The following CBL variants were observed in gnomAD, a reference collection of about 807,000 sequenced individuals.
CBL encodes the protein Cbl proto-oncogene.
In CBL, 45 loss-of-function variants were observed where a neutral mutation model predicts 96.9. That is an observed-to-expected ratio of 0.46 (90% CI 0.37 to 0.60). The LOEUF (loss-of-function observed/expected upper bound fraction) is 0.60. CBL is among the 20% of genes least tolerant of loss of function. The pLI is 0.00. For missense variants in CBL, 1,024 were observed against 1,143.5 expected (o/e 0.90, Z 1.51); for synonymous variants, 420 against 426.8 (o/e 0.98, Z 0.20).
Position 119,232,614 on chromosome 11 carries a change from AT to A in CBL, c.365del (p.Leu122Ter). On this transcript the variant is annotated frameshift_variant, in exon 2 of 16. Transcript: ENST00000264033. LOFTEE classifies it high-confidence loss of function. ...ENEYFRVFME[N>X]LMKKTKQTIS... ...GAGTATTTTAGGGTGTTTATGGAGAATTTGATGAAGAAAACTAAGCAAACCA... is the reference window on the plus strand; with the variant it reads ...GAGTATTTTAGGGTGTTTATGGAGAATTGATGAAGAAAACTAAGCAAACCA... 1 of 1,614,024 alleles carries A rather than the reference AT, an allele frequency of 6.2e-7. No individual in the cohort carries two copies. The highest frequency in any genetic ancestry group is 8.5e-7 in the Non-Finnish European group (1 of 1,179,894).
intron 1 of CBL, among the ~76,000 whole-genome samples, chr11:119,208,239 A>G (rs192157200): frequency 6.6e-6 from 1 of 152,296 alleles, no homozygotes. Flanking sequence ...ATTTATCGTT[A>G]AGGACTACAA....
At chr11:119,270,725 C>T (rs1459692064) in intron 2 of CBL, among the ~76,000 whole-genome samples, 2 of 151,924 alleles carry the variant, frequency 1.3e-5, no homozygotes, top group Non-Finnish European at 2.9e-5. Flanking sequence ...GGATTACAGG[C>T]GTGAGCCACC....
intron 1 of CBL, among the ~76,000 whole-genome samples, chr11:119,224,020 A>G (rs1949434710): frequency 6.6e-6 from 1 of 152,118 alleles, no homozygotes; most frequent in South Asian, 2.1e-4. Context: ...ATAGTTGAAG[A>G]CTTAAGAGTT....
At chr11:119,242,973 A>G (rs891105796) in intron 2 of CBL, among the ~76,000 whole-genome samples, 1 of 151,968 alleles carries the variant, frequency 6.6e-6, no homozygotes, top group African/African-American at 2.4e-5. Context: ...GGTGGTGGTT[A>G]TATCAAAAGA....
In CBL at chr11:119,301,186, C is replaced by CTA. The variant is rs1950099255; in HGVS notation, c.*1406_*1407insAT. ...CTCTTCACCTGAGGTCCTAAATACTCTCTGTAATTACTGTGTTCTTCACGG... is the reference window on the plus strand; with the variant it reads ...CTCTTCACCTGAGGTCCTAAATACTCTATCTGTAATTACTGTGTTCTTCACGG... On this transcript the variant is annotated 3_prime_UTR_variant, in exon 16 of 16. Coordinates refer to ENST00000264033, the MANE Select transcript of CBL (RefSeq NM_005188.4). 1 of 233,160 alleles carries CTA rather than the reference C, an allele frequency of 4.3e-6. No individual in the cohort carries two copies. Among genetic ancestry groups the CTA allele is most frequent in the South Asian group, 1.8e-4 (1 of 5,526 alleles). 14.4% of individuals were successfully genotyped at this position (233,160 alleles called of 1,614,324 possible). A position where few individuals can be genotyped will look rare whatever the true frequency, so the allele number is the denominator to read the frequency against.
At chr11:119,282,828 A>G (rs1206969096) in intron 9 of CBL, among the ~76,000 whole-genome samples, 1 of 152,088 alleles carries the variant, frequency 6.6e-6, no homozygotes, top group Non-Finnish European at 1.5e-5. Flanking sequence ...CACGCCTGTA[A>G]TGCCAGCCCT....
At chr11:119,237,439 G>A (rs1160576119) in intron 2 of CBL, among the ~76,000 whole-genome samples, 4 of 152,074 alleles carry the variant, frequency 2.6e-5, no homozygotes, top group Admixed American at 2.6e-4. Flanking sequence ...TATTTATTTG[G>A]TTTTTGTACT....
chr11:119,297,522 C>G lies in CBL; in HGVS notation c.2251+41C>G, dbSNP rs746450061. The G allele has an allele frequency of 5.1e-6, 7 of 1,383,136 alleles. No individual in the cohort carries two copies. The East Asian group carries it at 1.6e-4, about 32-fold the overall frequency. 85.7% of individuals were successfully genotyped at this position (1,383,136 alleles called of 1,614,324 possible). A position where few individuals can be genotyped will look rare whatever the true frequency, so the allele number is the denominator to read the frequency against. On this transcript the variant is annotated intron_variant, in intron 14 of 15. Transcript: ENST00000264033. ...GCTACTTTAAAAATCATTGATATGT[C>G]ATAGGAATGAACATGTAATATTTGG... is the stretch of plus-strand genomic sequence containing the variant.
intron 2 of CBL, among the ~76,000 whole-genome samples, chr11:119,258,069 A>G (rs141530501): frequency 0.012 from 1,758 of 152,232 alleles, 39 homozygotes; most frequent in African/African-American, 0.04. Flanking sequence ...TCTACCAAAA[A>G]TATGAAAAAT....
chr11:119,252,253 G>C (rs1208472950), intron 2 of CBL, among the ~76,000 whole-genome samples: 1 of 151,686 alleles, frequency 6.6e-6, no homozygotes, highest in Non-Finnish European at 1.5e-5. Flanking sequence ...ATATCTAGGT[G>C]GTTGAAATCC....
chr11:119,278,961 G>A (rs919050233), intron 9 of CBL, among the ~76,000 whole-genome samples: 1 of 152,176 alleles, frequency 6.6e-6, no homozygotes, highest in Non-Finnish European at 1.5e-5. Flanking sequence ...GCACAAAGAG[G>A]TTAAGGAATT....
intron 12 of CBL, among the ~76,000 whole-genome samples, chr11:119,292,708 C>G (rs535833205): frequency 2.0e-5 from 3 of 152,310 alleles, no homozygotes; most frequent in African/African-American, 7.2e-5. Context: ...GCGTGAGCCA[C>G]TGCGCCCGGC....
chr11:119,264,696 G>A (rs1179312070), intron 2 of CBL, among the ~76,000 whole-genome samples: 1 of 151,742 alleles, frequency 6.6e-6, no homozygotes, highest in Non-Finnish European at 1.5e-5. Context: ...TGCCCAGGCT[G>A]GTCTCGAACT....
At chr11:119,216,475 G>A (rs1483513970) in intron 1 of CBL, among the ~76,000 whole-genome samples, 2 of 151,852 alleles carry the variant, frequency 1.3e-5, no homozygotes, top group South Asian at 2.1e-4. Flanking sequence ...GGGTTCAAGC[G>A]ATTGTCCTGC....
intron 5 of CBL, 94 bp downstream of exon 5, chr11:119,275,047 G>C (rs984716445): frequency 2.2e-6 from 3 of 1,345,008 alleles, no homozygotes; most frequent in Non-Finnish European, 3.2e-6. Context: ...AATTAGTTTC[G>C]CAATAGCCAA....
intron 1 of CBL, among the ~76,000 whole-genome samples, chr11:119,206,878 T>G (rs1389312625): frequency 2.1e-5 from 3 of 145,422 alleles, no homozygotes; most frequent in Non-Finnish European, 4.5e-5. Context: ...GAGTGGGGGC[T>G]GGGGCGAAGG....
rs971789323 is a variant in CBL, at chr11:119,302,360, A to G, written c.*2579A>G. ...GTTATTCTCAAAACCTTAATTTCTT[A>G]TATTTTCTGTTGACTAAGGCACCAG... is the stretch of plus-strand genomic sequence containing the variant. On this transcript the variant is annotated 3_prime_UTR_variant, in exon 16 of 16. Transcript: ENST00000264033. The G allele has an allele frequency of 2.4e-4, 56 of 232,602 alleles. No homozygotes were observed. Among genetic ancestry groups the G allele is most frequent in the African/African-American group, 1.1e-3 (52 of 45,292 alleles). The allele number at this position is 232,602 out of a possible 1,614,324, so 14.4% of individuals were successfully genotyped here.
chr11:119,228,023 G>T (rs1036565856), intron 1 of CBL, among the ~76,000 whole-genome samples: 2 of 151,078 alleles, frequency 1.3e-5, no homozygotes, highest in East Asian at 3.9e-4. Context: ...GCCTCCATAT[G>T]TACAAATTGG....
At chr11:119,264,404 T>TTCTCTTCTCTTCTCTTCTCGTCTCG (rs1555228864) in intron 2 of CBL, among the ~76,000 whole-genome samples, 8 of 86,478 alleles carry the variant, frequency 9.3e-5, no homozygotes, top group African/African-American at 2.7e-4. Context: ...TTCTCTTCTC[T>TTCTCTTCTCTTCTCTTCTCGTCTCG]TCTCTTCTCT....
Sources: allele counts gnomAD v4.1 joint callset (sites outside exome capture counted in the v4.1 genomes callset), GRCh38; gene constraint gnomAD v4.1.1; transcripts MANE v1.5; gene names NCBI Gene and HGNC (gene_info 2026-07-23, HGNC 2026-07-21).